CDK14: variants seen among roughly 807,000 people sequenced by gnomAD.
CDK14 encodes cyclin-dependent kinase 14.
CDK14 carries 34 observed loss-of-function variants against 60.7 expected under a neutral mutation model. That is an observed-to-expected ratio of 0.56 (90% CI 0.43 to 0.75). The LOEUF (loss-of-function observed/expected upper bound fraction) is 0.75, where lower values mean the gene tolerates loss of function less well. Ranked by LOEUF, CDK14 falls within the 30% of genes least tolerant of loss-of-function variation. The pLI is 0.00. For missense variants in CDK14, 482 were observed against 564.1 expected (o/e 0.85, Z 1.47); for synonymous variants, 197 against 203.7 (o/e 0.97, Z 0.28).
intron 7 of CDK14, among the ~76,000 whole-genome samples, chr7:90,909,745 A>T (rs896454850): frequency 1.3e-5 from 2 of 152,168 alleles, no homozygotes; most frequent in African/African-American, 2.4e-5. Context: ...CTTGCCCATG[A>T]ACCTGAAATT....
At chr7:91,143,927 T>G (rs1313767679) in intron 14 of CDK14, among the ~76,000 whole-genome samples, 1 of 152,204 alleles carries the variant, frequency 6.6e-6, no homozygotes, top group Non-Finnish European at 1.5e-5. Context: ...GTGGTAGAGC[T>G]AAATTTGTAA....
intron 7 of CDK14, among the ~76,000 whole-genome samples, chr7:90,915,256 G>T (rs1793041138): frequency 6.6e-6 from 1 of 152,166 alleles, no homozygotes; most frequent in Non-Finnish European, 1.5e-5. Flanking sequence ...CTAACATGGT[G>T]AAACCCCGTC....
At chr7:91,147,081 A>T (rs1562924428) in intron 14 of CDK14, among the ~76,000 whole-genome samples, 1 of 150,604 alleles carries the variant, frequency 6.6e-6, no homozygotes, top group African/African-American at 2.5e-5. Flanking sequence ...TCGTCTGATG[A>T]TCACCTGTGT....
chr7:90,789,947 A>T (rs1487138465), intron 4 of CDK14, among the ~76,000 whole-genome samples: 1 of 152,100 alleles, frequency 6.6e-6, no homozygotes, highest in African/African-American at 2.4e-5. Flanking sequence ...TGGAAGGACC[A>T]TCTGCTTTGG....
At chr7:90,958,804 G>C (rs1168967865) in intron 9 of CDK14, among the ~76,000 whole-genome samples, 1 of 152,088 alleles carries the variant, frequency 6.6e-6, no homozygotes, top group African/African-American at 2.4e-5. Flanking sequence ...TAGGGACTCT[G>C]CTAATAAAAC....
intron 5 of CDK14, among the ~76,000 whole-genome samples, chr7:90,810,174 G>C (rs1789032111): frequency 6.6e-6 from 1 of 152,114 alleles, no homozygotes; most frequent in South Asian, 2.1e-4. Context: ...CAAAAAAAGA[G>C]AATTTTAGAC....
intron 12 of CDK14, among the ~76,000 whole-genome samples, chr7:91,099,185 A>G (rs1302053480): frequency 6.6e-6 from 1 of 152,130 alleles, no homozygotes; most frequent in Non-Finnish European, 1.5e-5. Context: ...TGTTAACTCC[A>G]TTTACCATAA....
chr7:90,615,021 A>G (rs574149855), intron 2 of CDK14, among the ~76,000 whole-genome samples: 331 of 152,264 alleles, frequency 2.2e-3, no homozygotes, highest in African/African-American at 7.9e-3. Context: ...GTGCAACATT[A>G]TATGATTAAT....
intron 2 of CDK14, among the ~76,000 whole-genome samples, chr7:90,700,466 G>A (rs1380657976): frequency 6.6e-6 from 1 of 152,138 alleles, no homozygotes; most frequent in Non-Finnish European, 1.5e-5. Context: ...AGACCCTGGA[G>A]TCCATCCAGA....
At chr7:91,059,143 G>A (rs972975238) in intron 11 of CDK14, among the ~76,000 whole-genome samples, 3 of 152,176 alleles carry the variant, frequency 2.0e-5, no homozygotes, top group Non-Finnish European at 2.9e-5. Flanking sequence ...GAGGGTGTGT[G>A]TGTCTAGGAA....
intron 6 of CDK14, among the ~76,000 whole-genome samples, chr7:90,875,883 CT>C (rs1209402627): frequency 6.6e-6 from 1 of 151,916 alleles, no homozygotes; most frequent in Non-Finnish European, 1.5e-5. Context: ...GGTACCTTTG[CT>C]CTGAATATTT....
chr7:90,778,887 CCTTCCTTCCTT>C lies in CDK14; in HGVS notation c.465-11682_465-11672del, dbSNP rs777868144. Among the ~76,000 whole-genome samples, 486 of 113,410 alleles carry C rather than the reference CCTTCCTTCCTT, an allele frequency of 4.3e-3. 1 individual carries two copies. Among genetic ancestry groups the C allele is most frequent in the Middle Eastern group, 8.6e-3 (2 of 232 alleles). The allele number at this position is 113,410 out of a possible 152,430, so 74.4% of individuals were successfully genotyped here. On this transcript the variant is annotated intron_variant, in intron 4 of 14. Transcript: ENST00000380050. ...TCCTTCCTTCCTTCCTTCCTTCCTT[CCTTCCTTCCTT>C]CTTTTCTCTCTCCTCTCTCTTTTCT...
chr7:90,958,283 A>C (rs1450403296), intron 9 of CDK14, among the ~76,000 whole-genome samples: 1 of 152,122 alleles, frequency 6.6e-6, no homozygotes, highest in Non-Finnish European at 1.5e-5. Context: ...CACTGAGGAT[A>C]CCTGCAACAT....
chr7:90,816,656 A>G lies in CDK14; in HGVS notation c.544+26004A>G, dbSNP rs763648475. On this transcript the variant is annotated intron_variant, in intron 5 of 14. Transcript: ENST00000380050. The stretch of plus-strand genomic sequence containing the variant: ...AGTTCAGGGATATTAGTAAATTCTG[A>G]GAAAGATTTGAGTATCTTCAGCGAG... 1.4e-4 allele frequency among the ~76,000 whole-genome samples: 22 copies of G among 152,308 alleles called. No individual in the cohort carries two copies. The Middle Eastern group carries it at 0.014, about 94-fold the overall frequency.
chr7:91,109,176 G>A (rs1462674017), intron 12 of CDK14, among the ~76,000 whole-genome samples: 1 of 152,130 alleles, frequency 6.6e-6, no homozygotes, highest in African/African-American at 2.4e-5. Context: ...TTCTGGTAGT[G>A]AATTGAGCAG....
rs199832138 is a variant in CDK14, at chr7:91,165,905, T to C, written c.*29-41260T>C. ...TAAGTATTTTCTGTGCTAAATTTTA[T>C]TCTGTTGCAGCATACTTGACAATTA... On this transcript the variant is annotated intron_variant, in intron 14 of 14. Transcript: ENST00000380050. Among the ~76,000 whole-genome samples the C allele has an allele frequency of 1.6e-4, 24 of 152,348 alleles. No individual in the cohort carries two copies. In the East Asian group the frequency reaches 3.9e-3, roughly 24 times the overall value.
At chr7:90,651,510 G>A (rs1210728165) in intron 2 of CDK14, among the ~76,000 whole-genome samples, 1 of 151,932 alleles carries the variant, frequency 6.6e-6, no homozygotes, top group African/African-American at 2.4e-5. Flanking sequence ...ATTTTTTTAA[G>A]TCTCTTAACA....
At chr7:90,833,633 G>A (rs1243190550) in intron 5 of CDK14, among the ~76,000 whole-genome samples, 1 of 152,112 alleles carries the variant, frequency 6.6e-6, no homozygotes, top group Non-Finnish European at 1.5e-5. Flanking sequence ...GCATGTGGTT[G>A]GTATCCTTGA....
intron 5 of CDK14, among the ~76,000 whole-genome samples, chr7:90,813,355 C>T (rs893390045): frequency 1.3e-5 from 2 of 152,056 alleles, no homozygotes; most frequent in African/African-American, 2.4e-5. Flanking sequence ...TATAGTTGGG[C>T]AACTGTATAA....
Sources: allele counts gnomAD v4.1 joint callset (sites outside exome capture counted in the v4.1 genomes callset), GRCh38; gene constraint gnomAD v4.1.1; transcripts MANE v1.5; gene names NCBI Gene and HGNC (gene_info 2026-07-23, HGNC 2026-07-21).